Variants in GPC4 observed in about 807,000 individuals in gnomAD.
GPC4 encodes the protein glypican-4.
GPC4 carries 10 observed loss-of-function variants against 35.0 expected under a neutral mutation model. The ratio of observed to expected loss-of-function variants is 0.29; its 90% CI spans 0.18 to 0.48. The LOEUF is 0.48. Among genes scored for constraint, GPC4 ranks in the 20% least tolerant of loss-of-function variants. GPC4 has a pLI of 0.99. For missense variants in GPC4, 322 were observed against 451.3 expected, an observed-to-expected ratio of 0.71 and a Z score of 2.60; for synonymous variants, 167 against 170.2, an observed-to-expected ratio of 0.98 and a Z score of 0.15.
At position 133,302,619 on chromosome X, in the gene GPC4, T is replaced by G; in HGVS notation, c.*248A>C. On this transcript the variant is annotated 3_prime_UTR_variant, in exon 9 of 9. Coordinates refer to ENST00000370828, the MANE Select transcript of GPC4 (RefSeq NM_001448.3). ...TCACAAATGCACAACTAACTATAGT[T>G]CTGTACCTACACTGTTAGCCACGTT... The G allele has an allele frequency of 2.7e-6, 1 of 376,967 alleles. No individual in the cohort carries two copies. The highest frequency in any genetic ancestry group is 4.6e-6 in the Non-Finnish European group (1 of 217,720). 31.1% of individuals were successfully genotyped at this position (376,967 alleles called of 1,213,427 possible). A position where few individuals can be genotyped will look rare whatever the true frequency, so the allele number is the denominator to read the frequency against.
rs1414051081 is a variant in GPC4, at chrX:133,305,187, G to A, written c.1156-326C>T. Reference sequence around the variant, plus strand: ...CTTCTCCTAAGGCTTTTAGAGTCAGGATCAAGCATGTATATTATGCACTCT... The same window carrying A: ...CTTCTCCTAAGGCTTTTAGAGTCAGAATCAAGCATGTATATTATGCACTCT... On this transcript the variant is annotated intron_variant, in intron 6 of 8. Coordinates refer to ENST00000370828, the MANE Select transcript of GPC4 (RefSeq NM_001448.3). Among the ~76,000 whole-genome samples the A allele has an allele frequency of 2.7e-5, 3 of 111,576 alleles. No homozygotes were observed. In the East Asian group the frequency reaches 8.6e-4, roughly 32 times the overall value.
chrX:133,370,847 AG>A (rs1358664836), intron 1 of GPC4, among the ~76,000 whole-genome samples: 2 of 111,791 alleles, frequency 1.8e-5, no homozygotes, highest in East Asian at 5.6e-4. Context: ...GGGTGGGGTG[AG>A]GGGAACTCAA....
intron 1 of GPC4, among the ~76,000 whole-genome samples, chrX:133,341,873 C>G (rs1445615383): frequency 9.1e-6 from 1 of 109,310 alleles, no homozygotes; most frequent in Non-Finnish European, 1.9e-5. Flanking sequence ...TTCCTAGTAA[C>G]CTGGTCCGAG....
intron 1 of GPC4, among the ~76,000 whole-genome samples, chrX:133,407,904 T>C (rs946289214): frequency 8.9e-6 from 1 of 112,765 alleles, no homozygotes; most frequent in Non-Finnish European, 1.9e-5. Flanking sequence ...TCCAATAAGA[T>C]GTTTTTACAT....
intron 1 of GPC4, among the ~76,000 whole-genome samples, chrX:133,388,082 A>C (rs1158891231): frequency 8.9e-6 from 1 of 112,065 alleles, no homozygotes; most frequent in Non-Finnish European, 1.9e-5. Context: ...AGATACACAG[A>C]TTTGTTGCTA....
chrX:133,378,431 C>T (rs1352278739), intron 1 of GPC4, among the ~76,000 whole-genome samples: 2 of 107,822 alleles, frequency 1.9e-5, no homozygotes, highest in African/African-American at 6.8e-5. Context: ...ACTAGCTGGG[C>T]GTGGTGGCGG....
chrX:133,309,704 T>G (rs1455251085), intron 4 of GPC4, among the ~76,000 whole-genome samples: 2 of 112,494 alleles, frequency 1.8e-5, no homozygotes, highest in Non-Finnish European at 3.8e-5. Context: ...ATCACCAACT[T>G]TCTTTAAAAA....
At chrX:133,343,995 CCT>C (rs1195863645) in intron 1 of GPC4, among the ~76,000 whole-genome samples, 1 of 108,800 alleles carries the variant, frequency 9.2e-6, no homozygotes, top group Non-Finnish European at 1.9e-5. Context: ...CTCATTTACT[CCT>C]CTCACCAAAG....
At chrX:133,371,122 T>C (rs1459812617) in intron 1 of GPC4, among the ~76,000 whole-genome samples, 3 of 112,370 alleles carry the variant, frequency 2.7e-5, no homozygotes, top group Admixed American at 1.9e-4. Context: ...CCATTCACTA[T>C]GTTTTATGAG....
chrX:133,374,401 G>A (rs1299826616), intron 1 of GPC4, among the ~76,000 whole-genome samples: 1 of 111,869 alleles, frequency 8.9e-6, no homozygotes, highest in African/African-American at 3.2e-5. Flanking sequence ...AGGTAGGTAG[G>A]GAAAGAGAAA....
chrX:133,366,644 G>C (rs2068591243), intron 1 of GPC4, among the ~76,000 whole-genome samples: 1 of 111,542 alleles, frequency 9.0e-6, no homozygotes, highest in African/African-American at 3.3e-5. Context: ...TATTCGAAAT[G>C]ATGGCCCTGA....
chrX:133,398,311 A>G (rs1440726815), intron 1 of GPC4, among the ~76,000 whole-genome samples: 1 of 110,452 alleles, frequency 9.1e-6, no homozygotes, highest in Non-Finnish European at 1.9e-5. Context: ...TCCACATTAG[A>G]AAATAGCTAA....
intron 2 of GPC4, among the ~76,000 whole-genome samples, chrX:133,331,948 C>T (rs2068422202): frequency 9.0e-6 from 1 of 110,851 alleles, no homozygotes; most frequent in Non-Finnish European, 1.9e-5. Context: ...ATTTCAGTGA[C>T]ATTTTATAAT....
intron 1 of GPC4, among the ~76,000 whole-genome samples, chrX:133,391,971 G>A (rs1304312920): frequency 3.6e-5 from 4 of 111,662 alleles, no homozygotes; most frequent in Admixed American, 1.9e-4. Flanking sequence ...GGTGGCTCAT[G>A]CCTGTAATCC....
In GPC4 at chrX:133,405,501, G is replaced by A. The variant is rs190849455; in HGVS notation, c.160+9305C>T. 6.2e-5 allele frequency among the ~76,000 whole-genome samples: 7 copies of A among 112,257 alleles called. No homozygotes were observed. The East Asian group carries it at 1.7e-3, about 27-fold the overall frequency. ...AATGAAATATACTAGTGCCCTCGAT[G>A]ATTATGGTTACAAAGGTGGCTTTGA... On this transcript the variant is annotated intron_variant, in intron 1 of 8. Transcript: ENST00000370828.
chrX:133,328,867 C>A lies in GPC4; in HGVS notation c.320-4331G>T, dbSNP rs558320513. Among the ~76,000 whole-genome samples, 17 of 111,986 alleles carry A rather than the reference C, an allele frequency of 1.5e-4. No individual in the cohort carries two copies. In the South Asian group the frequency reaches 6.0e-3, roughly 40 times the overall value. On this transcript the variant is annotated intron_variant, in intron 2 of 8. Transcript: ENST00000370828. ...AATTGCTTGTATTCATGTAAAAATG[C>A]TGCTCAGGGAATCTGTTTTAAGTAA...
chrX:133,346,770 A>G (rs1194772732), intron 1 of GPC4, among the ~76,000 whole-genome samples: 1 of 112,021 alleles, frequency 8.9e-6, no homozygotes, highest in Non-Finnish European at 1.9e-5. Context: ...TACAACATGG[A>G]TGAATCTCAA....
intron 1 of GPC4, among the ~76,000 whole-genome samples, chrX:133,400,496 G>A (rs1343007574): frequency 8.9e-6 from 1 of 112,438 alleles, no homozygotes. Flanking sequence ...CATTTAGACT[G>A]TGAGCTCCAT....
At position 133,392,827 on chromosome X, in the gene GPC4, A is replaced by C. The variant is rs1011306037; in HGVS notation, c.160+21979T>G. Among the ~76,000 whole-genome samples the C allele has an allele frequency of 5.4e-5, 6 of 111,190 alleles. No individual in the cohort carries two copies. The East Asian group carries it at 1.7e-3, about 32-fold the overall frequency. ...CACCAACCACCTGTCAAAATAAAGC[A>C]AGCCATGGATCTTTCAAAAACTGAC... On this transcript the variant is annotated intron_variant, in intron 1 of 8. Transcript: ENST00000370828.
Sources: gnomAD v4.1 joint callset for allele counts (sites outside exome capture counted in the v4.1 genomes callset) on GRCh38, gnomAD v4.1.1 for gene constraint, MANE v1.5 for transcripts, NCBI Gene and HGNC (gene_info 2026-07-23, HGNC 2026-07-21) for gene names.